The following MYT1L variants were observed in gnomAD, a reference collection of about 807,000 sequenced individuals.
MYT1L encodes myelin transcription factor 1 like.
A neutral mutation model predicts 126.7 loss-of-function variants in MYT1L; 12 were observed. That is an observed-to-expected ratio of 0.09 (90% CI 0.06 to 0.15). MYT1L has a LOEUF of 0.15. MYT1L is among the 10% of genes least tolerant of loss of function. MYT1L has a pLI of 1.00. For synonymous variants in MYT1L, 541 were observed against 604.2 expected (o/e 0.90, Z 1.53); for missense variants, 979 against 1,585.2 (o/e 0.62, Z 6.49).
At chr2:2,211,155 TATC>T (rs2093491025) in intron 2 of MYT1L, among the ~76,000 whole-genome samples, 1 of 152,214 alleles carries the variant, frequency 6.6e-6, no homozygotes, top group Non-Finnish European at 1.5e-5. Context: ...TATAAAATCA[TATC>T]ATCTGCAAAT....
At chr2:1,841,424 T>G (rs1187083154) in intron 19 of MYT1L, 1 of 152,800 alleles carries the variant, frequency 6.5e-6, no homozygotes, top group Non-Finnish European at 1.5e-5. Flanking sequence ...TGAGCTTTCT[T>G]AACCGACGAG....
Position 1,848,940 on chromosome 2 carries a change from T to C in MYT1L, c.2774+2701A>G, listed in dbSNP as rs930224851. Among the ~76,000 whole-genome samples the C allele has an allele frequency of 2.0e-5, 3 of 152,182 alleles. No homozygotes were observed. The highest frequency in any genetic ancestry group is 6.5e-5 in the Admixed American group (1 of 15,280). On this transcript the variant is annotated intron_variant, in intron 19 of 24. Transcript: ENST00000647738. This position sits in a 1 kb window ranked among gnomAD's most constrained non-coding sequence, Gnocchi z 4.8. ...ACCCCGAGAGGGCTCTGTCTAGGTCTCAGATTTGTCAAACACAAATCACAC... is the reference window on the plus strand; with the variant it reads ...ACCCCGAGAGGGCTCTGTCTAGGTCCCAGATTTGTCAAACACAAATCACAC...
At position 1,793,475 on chromosome 2, in the gene MYT1L, C is replaced by T. The variant is rs911541085; in HGVS notation, c.3277-1011G>A. ...CCTGCCCGCTCCTCTCCTTCCCTGA[C>T]GTGTCATTCCTAAGTCCTCTCACGA... On this transcript the variant is annotated intron_variant, in intron 23 of 24. Transcript: ENST00000647738. The surrounding 1 kb of genome is among the most constrained non-coding windows in gnomAD (Gnocchi z 4.6). 6.6e-6 allele frequency among the ~76,000 whole-genome samples: 1 copy of T among 152,192 alleles called. No homozygotes were observed. The highest frequency in any genetic ancestry group is 6.5e-5 in the Admixed American group (1 of 15,282).
intron 3 of MYT1L, among the ~76,000 whole-genome samples, chr2:2,095,780 G>A (rs973364938): frequency 1.3e-5 from 2 of 152,138 alleles, no homozygotes; most frequent in African/African-American, 4.8e-5. Flanking sequence ...CATCGCCCCG[G>A]GCACCCCCTG....
Position 2,045,041 on chromosome 2 carries a change from G to A in MYT1L, c.-158+8937C>T, listed in dbSNP as rs1300110887. Among the ~76,000 whole-genome samples the A allele has an allele frequency of 3.9e-5, 6 of 152,330 alleles. No homozygotes were observed. The East Asian group carries it at 1.2e-3, about 29-fold the overall frequency. ...TGGTCCATTTCCATGTAAATGAGGAGCAATGGCAGTTTAAGTGCAAGGTAC... is the reference window on the plus strand; with the variant it reads ...TGGTCCATTTCCATGTAAATGAGGAACAATGGCAGTTTAAGTGCAAGGTAC... On this transcript the variant is annotated intron_variant, in intron 4 of 24. Transcript: ENST00000647738.
rs750635776 is a variant in MYT1L at position 1,942,953 on chromosome 2, T to C, written c.505+29A>G. The stretch of plus-strand genomic sequence containing the variant: ...TGAACAGTGGACCCAAATCACGACT[T>C]GTTACTTTGCTAATATTTTAAAGAT... On this transcript the variant is annotated intron_variant, in intron 9 of 24. Coordinates refer to ENST00000647738, the MANE Select transcript of MYT1L (RefSeq NM_001303052.2). The C allele has an allele frequency of 2.0e-6, 3 of 1,501,158 alleles. No individual in the cohort carries two copies. In the African/African-American group the frequency reaches 4.2e-5, roughly 21 times the overall value. 93.0% of individuals were successfully genotyped at this position (1,501,158 alleles called of 1,614,324 possible). A position where few individuals can be genotyped will look rare whatever the true frequency, so the allele number is the denominator to read the frequency against.
chr2:2,142,179 G>A (rs1312590199), intron 3 of MYT1L, among the ~76,000 whole-genome samples: 4 of 152,034 alleles, frequency 2.6e-5, no homozygotes, highest in Non-Finnish European at 5.9e-5. Flanking sequence ...CAGGATGCAC[G>A]TGAATCCTTT....
intron 8 of MYT1L, among the ~76,000 whole-genome samples, chr2:1,950,801 T>A (rs2057679521): frequency 6.6e-6 from 1 of 152,142 alleles, no homozygotes; most frequent in African/African-American, 2.4e-5. Context: ...GACAGTGGGA[T>A]TACTTCTACA....
chr2:2,237,954 G>A (rs1355106310), intron 2 of MYT1L, among the ~76,000 whole-genome samples: 1 of 152,182 alleles, frequency 6.6e-6, no homozygotes, highest in African/African-American at 2.4e-5. Context: ...AAAGAGCGGG[G>A]CACACGTGCA....
At chr2:1,937,509 T>C (rs749205185) in intron 9 of MYT1L, among the ~76,000 whole-genome samples, 1 of 151,706 alleles carries the variant, frequency 6.6e-6, no homozygotes, top group Admixed American at 6.6e-5. Flanking sequence ...GGCCATCAGA[T>C]TGCACATCGA....
At chr2:2,235,157 C>T (rs2094256678) in intron 2 of MYT1L, among the ~76,000 whole-genome samples, 1 of 151,986 alleles carries the variant, frequency 6.6e-6, no homozygotes. Context: ...ATCTCCCTCA[C>T]ATCCTCCCTT....
intron 4 of MYT1L, among the ~76,000 whole-genome samples, chr2:2,041,355 C>T (rs1057215012): frequency 6.6e-6 from 1 of 152,154 alleles, no homozygotes; most frequent in Non-Finnish European, 1.5e-5. Flanking sequence ...AAAAGTTCAC[C>T]TTCTAGATGG....
chr2:1,904,294 C>T (rs375899510), intron 13 of MYT1L, among the ~76,000 whole-genome samples: 16 of 152,154 alleles, frequency 1.1e-4, no homozygotes, highest in African/African-American at 3.1e-4. Flanking sequence ...TCAGTCTCAC[C>T]GGGCTCAAGG....
chr2:2,150,510 T>C (rs1393699720), intron 3 of MYT1L, among the ~76,000 whole-genome samples: 1 of 152,196 alleles, frequency 6.6e-6, no homozygotes, highest in Non-Finnish European at 1.5e-5. Flanking sequence ...TAAAGCAGTC[T>C]CTCTCTTCAT....
At chr2:1,987,491 T>C (rs1288470940) in intron 5 of MYT1L, among the ~76,000 whole-genome samples, 1 of 152,186 alleles carries the variant, frequency 6.6e-6, no homozygotes, top group Non-Finnish European at 1.5e-5. Flanking sequence ...GAGGGGCATG[T>C]GCTACCCCAC....
chr2:2,027,898 T>C (rs2065817683), intron 4 of MYT1L, among the ~76,000 whole-genome samples: 1 of 152,214 alleles, frequency 6.6e-6, no homozygotes, highest in Non-Finnish European at 1.5e-5. Flanking sequence ...GCTAAGGTGA[T>C]TTTTACTTTA....
chr2:2,146,839 A>G (rs2084953572), intron 3 of MYT1L, among the ~76,000 whole-genome samples: 1 of 152,228 alleles, frequency 6.6e-6, no homozygotes, highest in Non-Finnish European at 1.5e-5. Flanking sequence ...GTGCTTCTGC[A>G]GCAAAACTCC....
chr2:2,058,125 A>C (rs2069857453), intron 3 of MYT1L, among the ~76,000 whole-genome samples: 1 of 152,070 alleles, frequency 6.6e-6, no homozygotes, highest in African/African-American at 2.4e-5. Context: ...GTTTTATGTC[A>C]CTCATTCTAG....
intron 2 of MYT1L, among the ~76,000 whole-genome samples, chr2:2,220,789 G>A (rs2093839663): frequency 6.6e-6 from 1 of 152,100 alleles, no homozygotes; most frequent in African/African-American, 2.4e-5. Flanking sequence ...TCCATCTGAT[G>A]AGAATTTATG....
Sources: gnomAD v4.1 joint callset for allele counts (sites outside exome capture counted in the v4.1 genomes callset) on GRCh38, gnomAD v4.1.1 for gene constraint, Gnocchi (gnomAD v3.1) non-coding constraint, MANE v1.5 for transcripts, NCBI Gene and HGNC (gene_info 2026-07-23, HGNC 2026-07-21) for gene names.